Variants in PPP1R9A observed in about 807,000 individuals in gnomAD.
The protein encoded by PPP1R9A is neurabin-1.
PPP1R9A carries 59 observed loss-of-function variants against 141.9 expected under a neutral mutation model. That is an observed-to-expected ratio of 0.42 (90% CI 0.34 to 0.52). The LOEUF (loss-of-function observed/expected upper bound fraction) is 0.52, where lower values mean the gene tolerates loss of function less well. Ranked by LOEUF, PPP1R9A falls within the 20% of genes least tolerant of loss-of-function variation. The pLI is 0.10. For missense variants in PPP1R9A, 1,444 were observed against 1,611.9 expected (o/e 0.90, Z 1.78); for synonymous variants, 500 against 569.7 (o/e 0.88, Z 1.74).
chr7:95,008,986 T>A (rs1034506324), intron 2 of PPP1R9A, among the ~76,000 whole-genome samples: 3 of 152,110 alleles, frequency 2.0e-5, no homozygotes, highest in Non-Finnish European at 4.4e-5. Flanking sequence ...AAAGGTTGAG[T>A]TCATGTCCTT....
At chr7:95,047,110 T>C (rs1810133175) in intron 2 of PPP1R9A, among the ~76,000 whole-genome samples, 5 of 152,210 alleles carry the variant, frequency 3.3e-5, no homozygotes, top group Admixed American at 3.3e-4. Flanking sequence ...CACACCATAG[T>C]TGGCAGCAGC....
chr7:95,154,471 A>G (rs1177086261), intron 4 of PPP1R9A, among the ~76,000 whole-genome samples: 2 of 152,274 alleles, frequency 1.3e-5, no homozygotes, highest in South Asian at 2.1e-4. Context: ...TATTGCATGA[A>G]TTTAGATTCG....
intron 7 of PPP1R9A, among the ~76,000 whole-genome samples, chr7:95,217,540 G>T (rs1023492390): frequency 2.0e-5 from 3 of 152,158 alleles, no homozygotes; most frequent in African/African-American, 7.2e-5. Context: ...GTTTCAGAAG[G>T]AATGGTACCA....
intron 2 of PPP1R9A, among the ~76,000 whole-genome samples, chr7:95,072,774 AAT>A (rs1392243696): frequency 1.8e-4 from 19 of 104,772 alleles, no homozygotes; most frequent in South Asian, 4.7e-4. Context: ...ATATATATTA[AAT>A]ATATATATTT....
intron 5 of PPP1R9A, among the ~76,000 whole-genome samples, chr7:95,192,720 C>A (rs759212736): frequency 2.0e-5 from 3 of 151,932 alleles, no homozygotes; most frequent in Non-Finnish European, 4.4e-5. Context: ...TGGATTTGTC[C>A]CATCAAAGTT....
At chr7:95,248,455 C>T (rs756334313) in intron 9 of PPP1R9A, among the ~76,000 whole-genome samples, 6 of 152,020 alleles carry the variant, frequency 3.9e-5, no homozygotes, top group East Asian at 1.9e-4. Flanking sequence ...ACATCATTCA[C>T]GGTGTTAGTC....
chr7:95,075,576 A>C (rs1005692741), intron 2 of PPP1R9A, among the ~76,000 whole-genome samples: 4 of 152,038 alleles, frequency 2.6e-5, no homozygotes, highest in African/African-American at 9.7e-5. Flanking sequence ...CATGCCTGTA[A>C]AGTAATCCCA....
At chr7:95,122,169 TG>T (rs1822744493) in intron 4 of PPP1R9A, among the ~76,000 whole-genome samples, 1 of 148,216 alleles carries the variant, frequency 6.7e-6, no homozygotes, top group African/African-American at 2.6e-5. Flanking sequence ...TTTTTTGAGA[TG>T]GCATCTCATT....
chr7:95,124,197 A>G (rs879691861), intron 4 of PPP1R9A, among the ~76,000 whole-genome samples: 18 of 152,162 alleles, frequency 1.2e-4, no homozygotes, highest in Non-Finnish European at 1.0e-4. Context: ...ACTGATGTTT[A>G]CTATTTAAAA....
chr7:95,005,610 A>G (rs1803485002), intron 2 of PPP1R9A, among the ~76,000 whole-genome samples: 1 of 152,186 alleles, frequency 6.6e-6, no homozygotes, highest in Non-Finnish European at 1.5e-5. Flanking sequence ...ACCTAATTTC[A>G]TTTTCAAAAG....
chr7:95,229,204 A>G (rs1002499156), intron 8 of PPP1R9A, among the ~76,000 whole-genome samples: 1 of 151,960 alleles, frequency 6.6e-6, no homozygotes, highest in Non-Finnish European at 1.5e-5. Context: ...GGAGACTCAC[A>G]TTGTGAACTT....
intron 2 of PPP1R9A, among the ~76,000 whole-genome samples, chr7:95,061,891 G>T (rs1812289020): frequency 1.3e-5 from 2 of 152,128 alleles, no homozygotes; most frequent in Non-Finnish European, 2.9e-5. Context: ...AAATAAAAGT[G>T]AGATATTAGG....
In PPP1R9A at chr7:95,166,162, A is replaced by T. The variant is rs199823488; in HGVS notation, c.1754+4191A>T. ...AAACTCCATTTCAAAAAAAAAAAAA[A>T]AAAAGAAAGAAAATTAGAAGAAAGA... On this transcript the variant is annotated intron_variant, in intron 5 of 19. Coordinates refer to ENST00000433360, the MANE Select transcript of PPP1R9A (RefSeq NM_001166160.2). Among the ~76,000 whole-genome samples the T allele has an allele frequency of 2.0e-5, 3 of 151,756 alleles. No homozygotes were observed. The East Asian group carries it at 5.8e-4, about 29-fold the overall frequency.
At chr7:95,176,726 T>A (rs1196236341) in intron 5 of PPP1R9A, among the ~76,000 whole-genome samples, 7 of 152,000 alleles carry the variant, frequency 4.6e-5, no homozygotes, top group Non-Finnish European at 7.4e-5. Context: ...TGCAAAATGC[T>A]CTGGGAAATC....
At chr7:95,203,809 T>C (rs764002444) in intron 7 of PPP1R9A, 79 bp downstream of exon 7, 6 of 1,072,774 alleles carry the variant, frequency 5.6e-6, no homozygotes, top group South Asian at 3.0e-5. Flanking sequence ...TTGTGTCTTA[T>C]TAACTATCTG....
At position 94,992,483 on chromosome 7, in the gene PPP1R9A, G is replaced by T. The variant is rs1441177490; in HGVS notation, c.1395+80975G>T. ...TAATATAAACATGCACTTTTCTTTT[G>T]GGTAATCACCTAGGAGTGGATCGTA... On this transcript the variant is annotated intron_variant, in intron 2 of 19. Coordinates refer to ENST00000433360, the MANE Select transcript of PPP1R9A (RefSeq NM_001166160.2). 2.0e-5 allele frequency among the ~76,000 whole-genome samples: 3 copies of T among 152,058 alleles called. No homozygotes were observed. In the East Asian group the frequency reaches 5.8e-4, roughly 29 times the overall value.
chr7:94,926,316 A>G (rs909597172), intron 2 of PPP1R9A, among the ~76,000 whole-genome samples: 1 of 152,192 alleles, frequency 6.6e-6, no homozygotes, highest in Non-Finnish European at 1.5e-5. Context: ...AGGTAATGAC[A>G]GTTCATAAGT....
intron 5 of PPP1R9A, among the ~76,000 whole-genome samples, chr7:95,165,945 C>T (rs1251495413): frequency 6.6e-6 from 1 of 151,886 alleles, no homozygotes; most frequent in African/African-American, 2.4e-5. Context: ...GTCAGGAATT[C>T]GAGACCAGCC....
At chr7:95,125,583 TAGAGTA>T (rs1823417993) in intron 4 of PPP1R9A, among the ~76,000 whole-genome samples, 1 of 152,196 alleles carries the variant, frequency 6.6e-6, no homozygotes, top group Non-Finnish European at 1.5e-5. Context: ...TGCTGAATTG[TAGAGTA>T]AATCACATGG....
Sources: gnomAD v4.1 joint callset for allele counts (sites outside exome capture counted in the v4.1 genomes callset) on GRCh38, gnomAD v4.1.1 for gene constraint, MANE v1.5 for transcripts, NCBI Gene and HGNC (gene_info 2026-07-23, HGNC 2026-07-21) for gene names.